The following ELOVL6 variants were observed in gnomAD, a reference collection of about 807,000 sequenced individuals.
ELOVL6 encodes ELOVL fatty acid elongase 6, also known as very long chain fatty acid elongase 6.
ELOVL6 carries 8 observed loss-of-function variants against 31.7 expected under a neutral mutation model. The observed-to-expected ratio is 0.25, with a 90% confidence interval of 0.15 to 0.45. ELOVL6 has a LOEUF of 0.45. Ranked by LOEUF, ELOVL6 falls within the 20% of genes least tolerant of loss-of-function variation. The pLI is 1.00. For synonymous variants in ELOVL6, 101 were observed against 117.7 expected (o/e 0.86, Z 0.92); for missense variants, 126 against 326.4 (o/e 0.39, Z 4.73).
intron 1 of ELOVL6, among the ~76,000 whole-genome samples, 187 bp from the exon 2 acceptor site, chr4:110,105,815 C>T (rs1260816521): frequency 6.6e-6 from 1 of 152,194 alleles, no homozygotes; most frequent in Non-Finnish European, 1.5e-5. Context: ...CAAATCAGGT[C>T]TTCCAGTAGT....
chr4:110,186,097 G>C (rs1163496508), intron 1 of ELOVL6, among the ~76,000 whole-genome samples: 1 of 152,094 alleles, frequency 6.6e-6, no homozygotes, highest in African/African-American at 2.4e-5. Flanking sequence ...GGCTGAGGCA[G>C]AAGAATCGCT....
At chr4:110,089,680 T>C (rs1756365649) in intron 2 of ELOVL6, among the ~76,000 whole-genome samples, 1 of 151,222 alleles carries the variant, frequency 6.6e-6, no homozygotes, top group Admixed American at 6.6e-5. Context: ...CTATGAAATA[T>C]ATGAGATCCT....
intron 2 of ELOVL6, among the ~76,000 whole-genome samples, chr4:110,066,693 G>A (rs1578449802): frequency 6.9e-6 from 1 of 144,142 alleles, no homozygotes; most frequent in East Asian, 2.1e-4. Context: ...TCAATATCAT[G>A]TCTCTACAAA....
chr4:110,065,907 G>C (rs542760919), intron 2 of ELOVL6, among the ~76,000 whole-genome samples: 1 of 152,034 alleles, frequency 6.6e-6, no homozygotes, highest in Non-Finnish European at 1.5e-5. Context: ...ATTGATCTTC[G>C]TCTTAAATGT....
At chr4:110,098,606 G>T (rs76338299) in intron 2 of ELOVL6, among the ~76,000 whole-genome samples, 12,520 of 151,908 alleles carry the variant, frequency 0.082, 668 homozygotes, top group South Asian at 0.12. Flanking sequence ...CTATCCTGAG[G>T]TTTTCGTGCA....
At chr4:110,107,228 T>C (rs953067154) in intron 1 of ELOVL6, among the ~76,000 whole-genome samples, 1 of 152,194 alleles carries the variant, frequency 6.6e-6, no homozygotes, top group Non-Finnish European at 1.5e-5. Context: ...AATAAAGCAA[T>C]GATTCCAGAA....
intron 1 of ELOVL6, among the ~76,000 whole-genome samples, chr4:110,167,954 G>GGAAGT (rs1284553515): frequency 6.6e-5 from 10 of 152,096 alleles, no homozygotes; most frequent in Admixed American, 2.0e-4. Context: ...AGGCAATTAA[G>GGAAGT]GAAGTTCTTT....
At chr4:110,061,548 G>GTTTTTTTTTTTTT (rs778616602) in intron 2 of ELOVL6, among the ~76,000 whole-genome samples, 4 of 85,732 alleles carry the variant, frequency 4.7e-5, no homozygotes, top group Admixed American at 1.5e-4. Context: ...CCAAATGATG[G>GTTTTTTTTTTTTT]CTTTTTTTTT....
intron 1 of ELOVL6, among the ~76,000 whole-genome samples, chr4:110,121,371 G>T (rs1757352597): frequency 6.6e-6 from 1 of 152,156 alleles, no homozygotes. Context: ...AAATGAGCAT[G>T]AAAAGATCTA....
chr4:110,054,963 T>C (rs570481619), intron 3 of ELOVL6, among the ~76,000 whole-genome samples: 3 of 152,262 alleles, frequency 2.0e-5, no homozygotes, highest in South Asian at 2.1e-4. Flanking sequence ...GGGAATGAAA[T>C]TGATCATCTC....
At chr4:110,067,457 G>A (rs1324796714) in intron 2 of ELOVL6, among the ~76,000 whole-genome samples, 1 of 152,204 alleles carries the variant, frequency 6.6e-6, no homozygotes, top group Admixed American at 6.5e-5. Flanking sequence ...AATTTGTAAA[G>A]GAAAGAGTTT....
intron 1 of ELOVL6, among the ~76,000 whole-genome samples, chr4:110,128,093 A>G (rs773264452): frequency 3.9e-4 from 60 of 152,098 alleles, no homozygotes; most frequent in South Asian, 2.1e-4. Flanking sequence ...AGGAGGCACG[A>G]TAACCCCATC....
At chr4:110,077,681 C>A (rs1440832425) in intron 2 of ELOVL6, among the ~76,000 whole-genome samples, 1 of 152,120 alleles carries the variant, frequency 6.6e-6, no homozygotes, top group Non-Finnish European at 1.5e-5. Flanking sequence ...AATCAGAGCA[C>A]CTCTCCTCCC....
chr4:110,168,883 T>A (rs75090886), intron 1 of ELOVL6, among the ~76,000 whole-genome samples: 11,001 of 152,278 alleles, frequency 0.072, 554 homozygotes, highest in Non-Finnish European at 0.1. Context: ...TTAATGTTCA[T>A]GAAGCCTTTA....
intron 1 of ELOVL6, among the ~76,000 whole-genome samples, chr4:110,153,853 T>C (rs958183527): frequency 2.6e-5 from 4 of 152,184 alleles, no homozygotes; most frequent in African/African-American, 9.7e-5. Context: ...ATTTCTTACT[T>C]TGTAGTTTCT....
At chr4:110,104,237 T>C (rs1326762601) in intron 2 of ELOVL6, among the ~76,000 whole-genome samples, 1 of 152,204 alleles carries the variant, frequency 6.6e-6, no homozygotes, top group Non-Finnish European at 1.5e-5. Flanking sequence ...ATACTTCAGG[T>C]GAGGCATACT....
intron 2 of ELOVL6, among the ~76,000 whole-genome samples, chr4:110,063,681 A>T (rs748750223): frequency 2.6e-5 from 4 of 151,788 alleles, no homozygotes; most frequent in Admixed American, 6.6e-5. Context: ...GAGGGTCTGG[A>T]CCACTGTGTT....
chr4:110,140,510 T>C (rs1315790874), intron 1 of ELOVL6, among the ~76,000 whole-genome samples: 1 of 152,078 alleles, frequency 6.6e-6, no homozygotes, highest in Non-Finnish European at 1.5e-5. Flanking sequence ...CTCACTGTTT[T>C]AGCCTCCTGA....
intron 1 of ELOVL6, among the ~76,000 whole-genome samples, chr4:110,111,939 T>G (rs1757046227): frequency 6.6e-6 from 1 of 152,232 alleles, no homozygotes; most frequent in Non-Finnish European, 1.5e-5. Flanking sequence ...ATGTGCCCAG[T>G]AATTTGTTAC....
Sources: gnomAD v4.1 joint callset for allele counts (sites outside exome capture counted in the v4.1 genomes callset) on GRCh38, gnomAD v4.1.1 for gene constraint, MANE v1.5 for transcripts, NCBI Gene and HGNC (gene_info 2026-07-23, HGNC 2026-07-21) for gene names.